NTM: variants seen among roughly 807,000 people sequenced by gnomAD.
NTM encodes IgLON family member 2.
Under a neutral mutation model 42.1 loss-of-function variants are expected in NTM, and 13 were observed. The ratio of observed to expected loss-of-function variants is 0.31; its 90% CI spans 0.20 to 0.49. The LOEUF is 0.49. NTM is among the 20% of genes least tolerant of loss of function. The probability of loss-of-function intolerance (pLI) is 0.99; values close to 1 mark genes in which losing one functional copy is unlikely to be tolerated. For missense variants in NTM, 373 were observed against 452.8 expected, an observed-to-expected ratio of 0.82 and a Z score of 1.60; for synonymous variants, 187 against 179.2, an observed-to-expected ratio of 1.04 and a Z score of -0.35.
At chr11:131,571,063 G>A (rs1042593653) in intron 1 of NTM, among the ~76,000 whole-genome samples, 14 of 152,182 alleles carry the variant, frequency 9.2e-5, no homozygotes, top group Non-Finnish European at 1.5e-4. Context: ...TCTGCTGTGC[G>A]GCCTCGGGCA....
intron 2 of NTM, among the ~76,000 whole-genome samples, chr11:132,093,074 C>T (rs890159982): frequency 6.6e-6 from 1 of 152,122 alleles, no homozygotes; most frequent in African/African-American, 2.4e-5. Context: ...CATTGGCATT[C>T]TCATTATATT....
At chr11:131,404,324 A>G (rs777262519) in intron 1 of NTM, among the ~76,000 whole-genome samples, 7 of 152,190 alleles carry the variant, frequency 4.6e-5, no homozygotes, top group Admixed American at 6.5e-5. Flanking sequence ...AGCGCTTGAC[A>G]TAGATGACCC....
chr11:131,395,096 T>C (rs1944409438), intron 1 of NTM, among the ~76,000 whole-genome samples: 1 of 152,092 alleles, frequency 6.6e-6, no homozygotes, highest in African/African-American at 2.4e-5. Context: ...CCAGGCTGCC[T>C]TCACATGACC....
chr11:131,407,836 A>G (rs1211403997), intron 1 of NTM, among the ~76,000 whole-genome samples: 3 of 152,220 alleles, frequency 2.0e-5, no homozygotes, highest in African/African-American at 7.2e-5. Context: ...TTCTCTGAGC[A>G]AATATGCCAG....
At chr11:132,041,776 T>G (rs902067043) in intron 2 of NTM, among the ~76,000 whole-genome samples, 1 of 152,148 alleles carries the variant, frequency 6.6e-6, no homozygotes, top group Non-Finnish European at 1.5e-5. Context: ...GCATAAGACA[T>G]GAGGCTTGCT....
At chr11:131,990,230 T>A (rs2066783461) in intron 2 of NTM, among the ~76,000 whole-genome samples, 1 of 152,198 alleles carries the variant, frequency 6.6e-6, no homozygotes, top group Non-Finnish European at 1.5e-5. Flanking sequence ...AATCTAAATC[T>A]GACTTTCTTC....
chr11:131,776,192 A>C (rs192547108), intron 1 of NTM, among the ~76,000 whole-genome samples: 2 of 152,232 alleles, frequency 1.3e-5, no homozygotes, highest in African/African-American at 4.8e-5. Flanking sequence ...GAGAAATTTT[A>C]GTAGACATTT....
chr11:131,881,870 G>A (rs78850129), intron 1 of NTM, among the ~76,000 whole-genome samples: 3,135 of 152,276 alleles, frequency 0.021, 227 homozygotes, highest in East Asian at 0.2. Flanking sequence ...GCTATTCCAA[G>A]TACAGGCACA....
chr11:131,837,887 A>G (rs6590605), intron 1 of NTM, among the ~76,000 whole-genome samples: 34 of 152,144 alleles, frequency 2.2e-4, no homozygotes, highest in Non-Finnish European at 3.7e-4. Context: ...AAGTCGAAAA[A>G]GGTTGTGTGT....
chr11:131,815,706 T>C (rs140850716), intron 1 of NTM, among the ~76,000 whole-genome samples: 539 of 152,222 alleles, frequency 3.5e-3, no homozygotes, highest in African/African-American at 0.012. Flanking sequence ...AACTTGACAG[T>C]CAGCAGAAGG....
At chr11:132,014,805 T>C (rs1006175170) in intron 2 of NTM, among the ~76,000 whole-genome samples, 1 of 148,004 alleles carries the variant, frequency 6.8e-6, no homozygotes, top group Non-Finnish European at 1.5e-5. Context: ...CCTTATTGGA[T>C]AAATAGTTTG....
chr11:131,794,577 A>G (rs1252637983), intron 1 of NTM: 65 of 985,376 alleles, frequency 6.6e-5, no homozygotes, highest in Admixed American at 4.3e-4. Flanking sequence ...AAGTGCTTGA[A>G]TAAGAAATGG....
intron 1 of NTM, among the ~76,000 whole-genome samples, chr11:131,787,485 A>G (rs2089460033): frequency 1.3e-5 from 2 of 151,602 alleles, no homozygotes; most frequent in South Asian, 4.2e-4. Context: ...TCCTGGGTTC[A>G]AGCGATTCTC....
At chr11:131,962,268 C>T (rs1321413248) in intron 2 of NTM, among the ~76,000 whole-genome samples, 6 of 152,236 alleles carry the variant, frequency 3.9e-5, no homozygotes, top group East Asian at 1.9e-4. Flanking sequence ...GTGTGAAGGT[C>T]GAGAGCAGTT....
intron 1 of NTM, among the ~76,000 whole-genome samples, chr11:131,495,722 C>T (rs1407641231): frequency 6.6e-6 from 1 of 152,216 alleles, no homozygotes; most frequent in Non-Finnish European, 1.5e-5. Context: ...ATTCAAGCCC[C>T]AGACTGCTTC....
At chr11:132,037,417 T>G (rs2076643266) in intron 2 of NTM, among the ~76,000 whole-genome samples, 1 of 152,150 alleles carries the variant, frequency 6.6e-6, no homozygotes, top group Admixed American at 6.5e-5. Context: ...TAATCCATCT[T>G]GGGTATTCTT....
chr11:131,934,158 A>G (rs560512214), intron 2 of NTM, among the ~76,000 whole-genome samples: 1 of 152,332 alleles, frequency 6.6e-6, no homozygotes, highest in African/African-American at 2.4e-5. Flanking sequence ...CAAGAACACA[A>G]TAAAATGAAC....
chr11:131,635,032 C>G (rs745984805), intron 1 of NTM, among the ~76,000 whole-genome samples: 2 of 152,130 alleles, frequency 1.3e-5, no homozygotes, highest in Non-Finnish European at 2.9e-5. Context: ...GCATATTCCA[C>G]GGTGATTTCC....
chr11:131,834,082 A>G (rs2043168965), intron 1 of NTM, among the ~76,000 whole-genome samples: 1 of 151,892 alleles, frequency 6.6e-6, no homozygotes, highest in African/African-American at 2.4e-5. Context: ...CTTTATCCTG[A>G]TATCTTCTCT....
Sources: allele counts gnomAD v4.1 joint callset (sites outside exome capture counted in the v4.1 genomes callset), GRCh38; gene constraint gnomAD v4.1.1; transcripts MANE v1.5; gene names NCBI Gene and HGNC (gene_info 2026-07-23, HGNC 2026-07-21).